Variants in MAP3K13 observed in about 807,000 individuals in gnomAD.
The protein encoded by MAP3K13 is mitogen-activated protein kinase kinase kinase 13.
Under a neutral mutation model 104.0 loss-of-function variants are expected in MAP3K13, and 52 were observed. That is an observed-to-expected ratio of 0.50 (90% CI 0.40 to 0.63). The LOEUF (loss-of-function observed/expected upper bound fraction) is 0.63. MAP3K13 is among the 20% of genes least tolerant of loss of function. MAP3K13 has a pLI of 0.00. For missense variants in MAP3K13, 914 were observed against 1,218.5 expected (o/e 0.75, Z 3.72); for synonymous variants, 394 against 442.2 (o/e 0.89, Z 1.37).
At chr3:185,291,976 T>C in intron 2 of MAP3K13, 1 of 1,067,640 alleles carries the variant, frequency 9.4e-7, no homozygotes, top group Non-Finnish European at 1.1e-6. Context: ...ATTTGGTGAA[T>C]TTAGAATTAG....
chr3:185,433,543 T>A (rs1714864097), intron 2 of MAP3K13, among the ~76,000 whole-genome samples: 1 of 152,234 alleles, frequency 6.6e-6, no homozygotes, highest in Non-Finnish European at 1.5e-5. Context: ...GATAGGGACT[T>A]TGAGACTGGT....
intron 1 of MAP3K13, among the ~76,000 whole-genome samples, chr3:185,363,731 G>A (rs1401927219): frequency 2.6e-5 from 4 of 152,240 alleles, no homozygotes; most frequent in Admixed American, 2.0e-4. Context: ...AGAAAAGCGG[G>A]GCCCGCAAGA....
intron 2 of MAP3K13, among the ~76,000 whole-genome samples, chr3:185,287,370 C>T (rs564111533): frequency 3.9e-5 from 6 of 152,034 alleles, no homozygotes; most frequent in Non-Finnish European, 8.8e-5. Flanking sequence ...TAAGGCATTT[C>T]GAAGAATAGC....
At chr3:185,362,996 C>G (rs1723706797), upstream of MAP3K13, 10 of 707,842 alleles carry the variant, frequency 1.4e-5, no homozygotes, top group Non-Finnish European at 1.7e-5. Flanking sequence ...AGCTGCCAGT[C>G]TGTCTTAAGG....
intron 2 of MAP3K13, among the ~76,000 whole-genome samples, chr3:185,293,713 C>T (rs1352159496): frequency 6.6e-6 from 1 of 152,248 alleles, no homozygotes; most frequent in East Asian, 1.9e-4. Context: ...ACATGAGCCA[C>T]TGTGCCCGCC....
At chr3:185,353,990 A>G (rs887844547) in intron 2 of MAP3K13, among the ~76,000 whole-genome samples, 1 of 152,144 alleles carries the variant, frequency 6.6e-6, no homozygotes, top group African/African-American at 2.4e-5. Flanking sequence ...GGACTAGTAG[A>G]GCAAACTGCA....
At chr3:185,419,734 T>C (rs906327441) in intron 1 of MAP3K13, among the ~76,000 whole-genome samples, 1 of 152,138 alleles carries the variant, frequency 6.6e-6, no homozygotes, top group Non-Finnish European at 1.5e-5. Flanking sequence ...TGAATATTAA[T>C]ACTTAAAATA....
intron 2 of MAP3K13, among the ~76,000 whole-genome samples, chr3:185,327,438 C>T (rs755080063): frequency 1.3e-5 from 2 of 152,096 alleles, no homozygotes; most frequent in African/African-American, 2.4e-5. Flanking sequence ...TTGCCTATCA[C>T]GGTGCTTGTT....
chr3:185,441,209 T>G (rs1159133886), intron 3 of MAP3K13, among the ~76,000 whole-genome samples: 1 of 152,200 alleles, frequency 6.6e-6, no homozygotes, highest in Non-Finnish European at 1.5e-5. Flanking sequence ...TATCTTATGG[T>G]AATTTGGGGC....
At chr3:185,294,872 T>G (rs1336488676) in intron 2 of MAP3K13, among the ~76,000 whole-genome samples, 1 of 152,210 alleles carries the variant, frequency 6.6e-6, no homozygotes, top group African/African-American at 2.4e-5. Context: ...CTGTCTTTTC[T>G]ACTTCCTAAA....
chr3:185,375,987 G>A (rs918121195), intron 1 of MAP3K13, among the ~76,000 whole-genome samples: 1 of 152,292 alleles, frequency 6.6e-6, no homozygotes, highest in South Asian at 2.1e-4. Flanking sequence ...GTAGTGGAGG[G>A]GGGCAGAGCG....
At chr3:185,428,192 T>A (rs1577545795) in intron 1 of MAP3K13, among the ~76,000 whole-genome samples, 1 of 152,170 alleles carries the variant, frequency 6.6e-6, no homozygotes. Context: ...CTGTTGTTAG[T>A]TCCTTGGATT....
Position 185,468,383 on chromosome 3 carries a change from T to C in MAP3K13, c.1643+1420T>C, listed in dbSNP as rs74830535. On this transcript the variant is annotated intron_variant, in intron 10 of 13. Coordinates refer to ENST00000265026, the MANE Select transcript of MAP3K13 (RefSeq NM_004721.5). Reference sequence around the variant, plus strand: ...TATTTTGGGATAGTTTAAAAAAAGATTGCCCTTTCCCCTTTTTACTACATA... The same window carrying C: ...TATTTTGGGATAGTTTAAAAAAAGACTGCCCTTTCCCCTTTTTACTACATA... 1.8e-4 allele frequency among the ~76,000 whole-genome samples: 28 copies of C among 152,326 alleles called. No homozygotes were observed. In the East Asian group the frequency reaches 5.0e-3, roughly 27 times the overall value.
intron 7 of MAP3K13, among the ~76,000 whole-genome samples, chr3:185,462,686 T>C (rs866130861): frequency 4.6e-5 from 7 of 152,222 alleles, no homozygotes; most frequent in Middle Eastern, 3.4e-3. Flanking sequence ...GGCAGGAGGA[T>C]CACTTGAACC....
rs576356481 is a variant in MAP3K13 at position 185,368,709 on chromosome 3, C to T, written c.-86+5341C>T. Among the ~76,000 whole-genome samples the T allele has an allele frequency of 2.0e-5, 3 of 152,262 alleles. No individual in the cohort carries two copies. The South Asian group carries it at 6.2e-4, about 32-fold the overall frequency. On this transcript the variant is annotated intron_variant, in intron 1 of 13. Coordinates refer to ENST00000265026, the MANE Select transcript of MAP3K13 (RefSeq NM_004721.5). Reference sequence around the variant, plus strand: ...CGGTGGCTCACACCTGTAAGCCCAGCACTCTGAGAGGCCAAGGCAGGCGGA... The same window carrying T: ...CGGTGGCTCACACCTGTAAGCCCAGTACTCTGAGAGGCCAAGGCAGGCGGA...
rs188767625 is a variant in MAP3K13 at position 185,467,522 on chromosome 3, C to T, written c.1643+559C>T. ...ATACCTGACTGGGTGCGGTGGCTCA[C>T]GCCTGTAATCCCAGCACTTTGGGAG... On this transcript the variant is annotated intron_variant, in intron 10 of 13. Transcript: ENST00000265026. Among the ~76,000 whole-genome samples, 39 of 152,210 alleles carry T rather than the reference C, an allele frequency of 2.6e-4. No individual in the cohort carries two copies. In the East Asian group the frequency reaches 5.6e-3, roughly 22 times the overall value.
intron 1 of MAP3K13, among the ~76,000 whole-genome samples, chr3:185,427,262 G>A (rs1714479208): frequency 6.6e-6 from 1 of 151,976 alleles, no homozygotes; most frequent in Non-Finnish European, 1.5e-5. Flanking sequence ...TACTCAGGAG[G>A]CTGTGGCAGG....
At chr3:185,340,966 T>A (rs756191531) in intron 2 of MAP3K13, among the ~76,000 whole-genome samples, 1 of 152,190 alleles carries the variant, frequency 6.6e-6, no homozygotes, top group Non-Finnish European at 1.5e-5. Flanking sequence ...GAGAAAGGAC[T>A]ATTACACCAT....
At chr3:185,380,197 C>CAAAACAAAAT (rs1483072095) in intron 1 of MAP3K13, among the ~76,000 whole-genome samples, 3 of 147,810 alleles carry the variant, frequency 2.0e-5, no homozygotes, top group African/African-American at 7.5e-5. Flanking sequence ...AAAAACAAAA[C>CAAAACAAAAT]AAAACAAAAA....
Sources: allele counts gnomAD v4.1 joint callset (sites outside exome capture counted in the v4.1 genomes callset), GRCh38; gene constraint gnomAD v4.1.1; transcripts MANE v1.5; gene names NCBI Gene and HGNC (gene_info 2026-07-23, HGNC 2026-07-21).